LDB2: variants seen among roughly 807,000 people sequenced by gnomAD.
LDB2 encodes LIM domain binding 2.
LDB2 carries 12 observed loss-of-function variants against 44.3 expected under a neutral mutation model. The observed-to-expected ratio is 0.27, with a 90% CI of 0.17 to 0.44. The LOEUF (loss-of-function observed/expected upper bound fraction) is 0.44. LDB2 is among the 20% of genes least tolerant of loss of function. The pLI, the probability that LDB2 is intolerant of heterozygous loss-of-function variation, is 1.00. For missense variants in LDB2, 344 were observed against 473.5 expected, an observed-to-expected ratio of 0.73 and a Z score of 2.54; for synonymous variants, 164 against 174.8, an observed-to-expected ratio of 0.94 and a Z score of 0.49.
chr4:16,825,644 G>C (rs2110006933), intron 1 of LDB2, among the ~76,000 whole-genome samples: 1 of 152,024 alleles, frequency 6.6e-6, no homozygotes, highest in Middle Eastern at 3.4e-3. Context: ...GTTTCCAATA[G>C]CCAAACCAGT....
intron 2 of LDB2, among the ~76,000 whole-genome samples, chr4:16,743,647 T>C (rs1432456177): frequency 1.3e-5 from 2 of 151,962 alleles, no homozygotes; most frequent in Admixed American, 6.6e-5. Context: ...GGGACCCCCA[T>C]GCCAGGGAGC....
At chr4:16,853,135 G>A (rs1406666883) in intron 1 of LDB2, among the ~76,000 whole-genome samples, 1 of 152,074 alleles carries the variant, frequency 6.6e-6, no homozygotes, top group African/African-American at 2.4e-5. Context: ...AATTAAGAAG[G>A]CATGTTTTTT....
chr4:16,600,156 G>C (rs1039077639), intron 2 of LDB2, among the ~76,000 whole-genome samples: 6 of 152,108 alleles, frequency 3.9e-5, no homozygotes, highest in African/African-American at 1.4e-4. Flanking sequence ...TTCAGATTTA[G>C]GTTCAGCGGT....
At chr4:16,806,250 C>A (rs1454160877) in intron 1 of LDB2, among the ~76,000 whole-genome samples, 5 of 152,350 alleles carry the variant, frequency 3.3e-5, no homozygotes, top group East Asian at 3.9e-4. Flanking sequence ...ACAGCCAGAA[C>A]TGCATATTCC....
rs565333980 is a variant in LDB2 at position 16,644,002 on chromosome 4, G to GT, written c.236-48128dup. On this transcript the variant is annotated intron_variant, in intron 2 of 7. Transcript: ENST00000304523. Reference sequence around the variant, plus strand: ...AGCCCTTCCAAGTGCTGCTTCTTGAGTAATTGTTTTTTGTCAATGTTTTGT... The same window carrying GT: ...AGCCCTTCCAAGTGCTGCTTCTTGAGTTAATTGTTTTTTGTCAATGTTTTGT... 3.3e-5 allele frequency among the ~76,000 whole-genome samples: 5 copies of GT among 152,278 alleles called. No homozygotes were observed. In the South Asian group the frequency reaches 1.0e-3, roughly 32 times the overall value.
At chr4:16,778,754 A>C (rs79989748) in intron 1 of LDB2, among the ~76,000 whole-genome samples, 2,507 of 152,304 alleles carry the variant, frequency 0.016, 74 homozygotes, top group African/African-American at 0.057. Context: ...TTAAGGGTAG[A>C]TAATGTTGTC....
At chr4:16,741,760 G>C (rs1763295881) in intron 2 of LDB2, among the ~76,000 whole-genome samples, 1 of 152,106 alleles carries the variant, frequency 6.6e-6, no homozygotes, top group Non-Finnish European at 1.5e-5. Flanking sequence ...TGGAGAGATT[G>C]GTTAAAGCAT....
chr4:16,634,171 C>T (rs528602423), intron 2 of LDB2, among the ~76,000 whole-genome samples: 1 of 152,104 alleles, frequency 6.6e-6, no homozygotes, highest in African/African-American at 2.4e-5. Context: ...TACAAGAAAA[C>T]CTGGGCAATA....
chr4:16,671,703 G>A (rs939717193), intron 2 of LDB2, among the ~76,000 whole-genome samples: 1 of 152,024 alleles, frequency 6.6e-6, no homozygotes. Flanking sequence ...CTTACTCTGG[G>A]CTGGGTCCAT....
chr4:16,722,482 T>C (rs886064847), intron 2 of LDB2, among the ~76,000 whole-genome samples: 7 of 152,186 alleles, frequency 4.6e-5, no homozygotes, highest in Non-Finnish European at 8.8e-5. Flanking sequence ...AAATATCTAT[T>C]AAGCAGATAT....
At chr4:16,677,175 T>C (rs1215100868) in intron 2 of LDB2, among the ~76,000 whole-genome samples, 1 of 152,062 alleles carries the variant, frequency 6.6e-6, no homozygotes, top group East Asian at 1.9e-4. Flanking sequence ...AAAATAGTCA[T>C]GGGGCACTGG....
chr4:16,606,726 T>G (rs911673650), intron 2 of LDB2, among the ~76,000 whole-genome samples: 4 of 152,224 alleles, frequency 2.6e-5, no homozygotes, highest in Admixed American at 2.6e-4. Flanking sequence ...TACTCCAGAC[T>G]AGAGAAGTAG....
At chr4:16,703,555 G>A (rs190907295) in intron 2 of LDB2, among the ~76,000 whole-genome samples, 11 of 152,254 alleles carry the variant, frequency 7.2e-5, no homozygotes, top group South Asian at 4.1e-4. Context: ...TTGGCTGTAC[G>A]GCCCTGAGCA....
At chr4:16,716,015 C>T (rs1240154674) in intron 2 of LDB2, among the ~76,000 whole-genome samples, 1 of 152,140 alleles carries the variant, frequency 6.6e-6, no homozygotes, top group Admixed American at 6.5e-5. Context: ...CTCCCAGTAA[C>T]TTCTTAGGCT....
At chr4:16,520,525 T>G (rs1292274653) in intron 5 of LDB2, among the ~76,000 whole-genome samples, 1 of 152,208 alleles carries the variant, frequency 6.6e-6, no homozygotes, top group African/African-American at 2.4e-5. Context: ...ATACTCCTTT[T>G]TATCTGAAGA....
intron 5 of LDB2, among the ~76,000 whole-genome samples, chr4:16,528,713 G>C (rs1729095428): frequency 6.6e-6 from 1 of 152,242 alleles, no homozygotes; most frequent in Non-Finnish European, 1.5e-5. Context: ...CCTGGTGGGA[G>C]AGCAGAAGAT....
chr4:16,714,564 T>C (rs1260761726), intron 2 of LDB2, among the ~76,000 whole-genome samples: 2 of 152,162 alleles, frequency 1.3e-5, no homozygotes, highest in Non-Finnish European at 2.9e-5. Flanking sequence ...AGTCCTTCTC[T>C]TCTACTTGAG....
At chr4:16,870,701 T>A (rs9995046) in intron 1 of LDB2, among the ~76,000 whole-genome samples, 15,639 of 152,072 alleles carry the variant, frequency 0.1, 2,592 homozygotes, top group African/African-American at 0.35. Context: ...CGGTGCAATC[T>A]CTGCTCACTA....
intron 1 of LDB2, among the ~76,000 whole-genome samples, chr4:16,793,804 C>T (rs929954620): frequency 6.6e-6 from 1 of 152,060 alleles, no homozygotes; most frequent in Non-Finnish European, 1.5e-5. Flanking sequence ...GTGGTAAGAA[C>T]CATAAGTGAA....
Sources: allele counts gnomAD v4.1 joint callset (sites outside exome capture counted in the v4.1 genomes callset), GRCh38; gene constraint gnomAD v4.1.1; transcripts MANE v1.5; gene names NCBI Gene and HGNC (gene_info 2026-07-23, HGNC 2026-07-21).